Variants in CPAMD8 observed in about 807,000 individuals in gnomAD.
CPAMD8 encodes C3 and PZP-like alpha-2-macroglobulin domain-containing protein 8.
In CPAMD8, 146 loss-of-function variants were observed where a neutral mutation model predicts 224.7. The observed-to-expected ratio is 0.65, with a 90% CI of 0.57 to 0.75. The LOEUF is 0.75. Ranked by LOEUF, CPAMD8 falls within the 30% of genes least tolerant of loss-of-function variation. The pLI is 0.00. For synonymous variants in CPAMD8, 966 were observed against 1,044.6 expected, an observed-to-expected ratio of 0.92 and a Z score of 1.45; for missense variants, 2,301 against 2,537.5, an observed-to-expected ratio of 0.91 and a Z score of 2.00.
At chr19:16,999,986 G>GT (rs781539199) in intron 10 of CPAMD8, among the ~76,000 whole-genome samples, 5 of 151,982 alleles carry the variant, frequency 3.3e-5, no homozygotes, top group Non-Finnish European at 5.9e-5. Flanking sequence ...CCAAATTGGT[G>GT]TTTTTTTAAC....
chr19:16,932,232 C>A (rs1238031290), intron 23 of CPAMD8, among the ~76,000 whole-genome samples: 5 of 152,076 alleles, frequency 3.3e-5, no homozygotes, highest in African/African-American at 1.2e-4. Context: ...CCAGCCTGGG[C>A]AACATGGCGA....
At chr19:16,941,161 G>A (rs369739659) in intron 22 of CPAMD8, among the ~76,000 whole-genome samples, 3 of 152,122 alleles carry the variant, frequency 2.0e-5, no homozygotes, top group African/African-American at 7.2e-5. Flanking sequence ...TCGAACTCCT[G>A]GCCTCAGGTG....
chr19:16,914,384 T>G (rs763806264), intron 29 of CPAMD8, 40 bp downstream of exon 29: 5 of 1,569,500 alleles, frequency 3.2e-6, no homozygotes, highest in Non-Finnish European at 2.6e-6. Context: ...GCTCCTCCAG[T>G]GCCCAGCCCC....
intron 41 of CPAMD8, chr19:16,895,644 C>T (rs1184211181): frequency 2.3e-5 from 8 of 346,448 alleles, no homozygotes; most frequent in Non-Finnish European, 4.0e-5. Context: ...CTGTTAACTA[C>T]AGGCAAAACT....
intron 29 of CPAMD8, among the ~76,000 whole-genome samples, 200 bp downstream of exon 29, chr19:16,914,224 G>A (rs1354337234): frequency 6.6e-6 from 1 of 151,954 alleles, no homozygotes; most frequent in Non-Finnish European, 1.5e-5. Context: ...CTAGTAGCAT[G>A]GGAATCTCTC....
At chr19:16,974,495 A>G (rs1247750839) in intron 17 of CPAMD8, among the ~76,000 whole-genome samples, 5 of 151,814 alleles carry the variant, frequency 3.3e-5, no homozygotes, top group Non-Finnish European at 5.9e-5. Context: ...TGGCACCCAC[A>G]GCTCCCAATG....
At position 16,908,948 on chromosome 19, in the gene CPAMD8, G is replaced by A. The variant is rs901597743; in HGVS notation, c.3862-1831C>T. ...CCAGGACGGGTCTCAAGGACGCTGCGGAGACCACACCAAGCAGGGATGGAC... is the reference window on the plus strand; with the variant it reads ...CCAGGACGGGTCTCAAGGACGCTGCAGAGACCACACCAAGCAGGGATGGAC... On this transcript the variant is annotated intron_variant, in intron 29 of 41. Coordinates refer to ENST00000443236, the MANE Select transcript of CPAMD8 (RefSeq NM_015692.5). Among the ~76,000 whole-genome samples, 12 of 152,154 alleles carry A rather than the reference G, an allele frequency of 7.9e-5. No homozygotes were observed. In the East Asian group the frequency reaches 9.6e-4, roughly 12 times the overall value.
chr19:16,931,357 G>A (rs985791628), intron 23 of CPAMD8, among the ~76,000 whole-genome samples: 3 of 152,134 alleles, frequency 2.0e-5, no homozygotes, highest in African/African-American at 7.2e-5. Context: ...AGGCATCTGA[G>A]GTCAGGCTCA....
intron 34 of CPAMD8, 59 bp downstream of exon 34, chr19:16,903,502 G>T: frequency 6.2e-7 from 1 of 1,609,788 alleles, no homozygotes; most frequent in Non-Finnish European, 8.5e-7. Flanking sequence ...TGTGTGATTG[G>T]AGGGAATGGG....
chr19:16,934,115 G>A (rs58665098), intron 23 of CPAMD8, among the ~76,000 whole-genome samples: 13,000 of 152,102 alleles, frequency 0.085, 1,650 homozygotes, highest in African/African-American at 0.28. Flanking sequence ...ATAACATTCT[G>A]GAAAATACAA....
At position 16,921,985 on chromosome 19, in the gene CPAMD8, G is replaced by A; in HGVS notation, c.3549C>T (p.Gly1183=). 1.3e-6 allele frequency: 2 copies of A among 1,546,884 alleles called. No individual in the cohort carries two copies. Among genetic ancestry groups the A allele is most frequent in the Non-Finnish European group, 1.7e-6 (2 of 1,146,036 alleles). The change falls in exon 27 of 42, where the codon GGC becomes GGT. Residue 1183 remains glycine (G), a splice_region_variant and synonymous_variant. Coordinates refer to ENST00000443236, the MANE Select transcript of CPAMD8 (RefSeq NM_015692.5). ...GCTTGTAGGTCAGCTGGCGCTGGTA[G>A]CCTGTGGGGCAAGCAGAGAGGACCC... ...ERETTDYLVQ[G]YQRQLTYKRQ...
chr19:17,009,333 C>T lies in CPAMD8; in HGVS notation c.487-13G>A. On this transcript the variant is annotated splice_polypyrimidine_tract_variant and intron_variant, in intron 5 of 41. Coordinates refer to ENST00000443236, the MANE Select transcript of CPAMD8 (RefSeq NM_015692.5). ...TGTAGGCTTCCAGCTGTAATGAAGA[C>T]ACAGATGCAGTGAGCAAATCTTCCA... 1 of 1,614,090 alleles carries T rather than the reference C, an allele frequency of 6.2e-7. No homozygotes were observed. The highest frequency in any genetic ancestry group is 8.5e-7 in the Non-Finnish European group (1 of 1,179,968).
At chr19:16,965,498 C>T (rs2054799973) in intron 18 of CPAMD8, among the ~76,000 whole-genome samples, 1 of 151,868 alleles carries the variant, frequency 6.6e-6, no homozygotes, top group Non-Finnish European at 1.5e-5. Context: ...CCAGGGCAAT[C>T]AGGTAAGAGA....
At chr19:16,970,147 G>A (rs1465093899) in intron 18 of CPAMD8, among the ~76,000 whole-genome samples, 6 of 149,236 alleles carry the variant, frequency 4.0e-5, no homozygotes, top group Non-Finnish European at 8.9e-5. Flanking sequence ...GCTGAGGCAG[G>A]AGAATGGCGT....
chr19:16,995,142 T>C (rs2056084119), intron 11 of CPAMD8, among the ~76,000 whole-genome samples: 2 of 152,184 alleles, frequency 1.3e-5, no homozygotes, highest in South Asian at 4.1e-4. Flanking sequence ...GATGTGTCTG[T>C]GCATGGGATA....
intron 19 of CPAMD8, among the ~76,000 whole-genome samples, chr19:16,956,569 C>A (rs185524987): frequency 1.3e-5 from 2 of 152,282 alleles, no homozygotes; most frequent in Admixed American, 1.3e-4. Flanking sequence ...GTAGCTCACA[C>A]CTGTAATTCT....
intron 13 of CPAMD8, among the ~76,000 whole-genome samples, chr19:16,982,389 C>CTCAA (rs1175752646): frequency 6.6e-6 from 1 of 151,814 alleles, no homozygotes; most frequent in Non-Finnish European, 1.5e-5. Context: ...GAGACCCTGT[C>CTCAA]TCAATCAATC....
intron 6 of CPAMD8, 77 bp downstream of exon 6, chr19:17,009,226 G>A (rs1288527819): frequency 8.1e-6 from 13 of 1,612,462 alleles, no homozygotes; most frequent in East Asian, 2.2e-5. Context: ...GACAGTGAGC[G>A]AAGACAGACC....
intron 1 of CPAMD8, among the ~76,000 whole-genome samples, chr19:17,023,713 C>A (rs2057013598): frequency 6.6e-6 from 1 of 152,120 alleles, no homozygotes; most frequent in Admixed American, 6.5e-5. Flanking sequence ...TCCAGAGTAG[C>A]TGGGACTACA....
Sources: allele counts gnomAD v4.1 joint callset (sites outside exome capture counted in the v4.1 genomes callset), GRCh38; gene constraint gnomAD v4.1.1; transcripts MANE v1.5; gene names NCBI Gene and HGNC (gene_info 2026-07-23, HGNC 2026-07-21).